Variants in KDM4B observed in about 807,000 individuals in gnomAD.
KDM4B encodes lysine-specific demethylase 4B.
A neutral mutation model predicts 125.2 loss-of-function variants in KDM4B; 32 were observed. The ratio of observed to expected loss-of-function variants is 0.26; its 90% CI spans 0.19 to 0.34. The LOEUF (loss-of-function observed/expected upper bound fraction) is 0.34. Among genes scored for constraint, KDM4B ranks in the 10% least tolerant of loss-of-function variants. KDM4B has a pLI of 1.00. For missense variants in KDM4B, 1,190 were observed against 1,577.7 expected (o/e 0.75, Z 4.16); for synonymous variants, 721 against 677.9 (o/e 1.06, Z -0.99).
At chr19:5,104,951 A>G (rs1016929641) in intron 9 of KDM4B, among the ~76,000 whole-genome samples, 8 of 152,206 alleles carry the variant, frequency 5.3e-5, no homozygotes, top group Non-Finnish European at 1.2e-4. Context: ...CGGAATGTGC[A>G]AAGTCCATGG....
At chr19:4,976,908 A>G (rs1257067230) in intron 1 of KDM4B, among the ~76,000 whole-genome samples, 1 of 152,260 alleles carries the variant, frequency 6.6e-6, no homozygotes, top group Admixed American at 6.5e-5. Context: ...CTGACTTGTC[A>G]AGAAATCGTA....
At chr19:5,120,895 C>G (rs566144808) in intron 11 of KDM4B, among the ~76,000 whole-genome samples, 4 of 152,184 alleles carry the variant, frequency 2.6e-5, no homozygotes, top group African/African-American at 9.7e-5. Flanking sequence ...GGGCCACATT[C>G]GCCGGAGGGT....
At position 5,069,631 on chromosome 19, in the gene KDM4B, T is replaced by C. The variant is rs575575640; in HGVS notation, c.627-1379T>C. On this transcript the variant is annotated intron_variant, in intron 6 of 22. Coordinates refer to ENST00000159111, the MANE Select transcript of KDM4B (RefSeq NM_015015.3). ...TGTTTGTTTGTTTGTTTGTTTGTTTTGAGACAGAGTCTCACTCTCTCGCCC... is the reference window on the plus strand; with the variant it reads ...TGTTTGTTTGTTTGTTTGTTTGTTTCGAGACAGAGTCTCACTCTCTCGCCC... 2.0e-5 allele frequency among the ~76,000 whole-genome samples: 3 copies of C among 151,700 alleles called. No individual in the cohort carries two copies. In the East Asian group the frequency reaches 5.8e-4, roughly 29 times the overall value.
intron 9 of KDM4B, among the ~76,000 whole-genome samples, chr19:5,097,796 G>T (rs1281219675): frequency 6.6e-6 from 1 of 152,240 alleles, no homozygotes; most frequent in Non-Finnish European, 1.5e-5. Flanking sequence ...GAAAGTCTAT[G>T]AGTTCTGTCT....
chr19:5,083,057 C>T lies in KDM4B; in HGVS notation c.918+553C>T, dbSNP rs144395550. 5.9e-5 allele frequency among the ~76,000 whole-genome samples: 9 copies of T among 152,318 alleles called. No individual in the cohort carries two copies. The East Asian group carries it at 1.2e-3, about 20-fold the overall frequency. On this transcript the variant is annotated intron_variant, in intron 9 of 22. Coordinates refer to ENST00000159111, the MANE Select transcript of KDM4B (RefSeq NM_015015.3). ...CTGCTGGTGGGGTCCCTGGAGGTCA[C>T]GGTGAGCTTAGCATGCCCGTGGGAA...
Position 5,047,476 on chromosome 19 carries a change from G to A in KDM4B, c.433G>A (p.Asp145Asn). 2 of 1,605,050 alleles carry A rather than the reference G, an allele frequency of 1.2e-6. No individual in the cohort carries two copies. Among genetic ancestry groups the A allele is most frequent in the Non-Finnish European group, 1.7e-6 (2 of 1,174,462 alleles). Residue 145 changes from aspartate (D) to asparagine (N), a missense_variant and splice_region_variant, in exon 6 of 23, where the codon GAC (aspartate) becomes AAC (asparagine). This residue lies in a region of KDM4B where 139 missense variants were observed against 248.3 expected (regional missense o/e 0.56). Transcript: ENST00000159111. ...ADISGSLYDD[D>N]VAQWNIGSLR... ...CCGACGCTGCTCTGCCGCCCCACAG[G>A]ACGTGGCCCAGTGGAACATCGGGAG...
chr19:5,085,652 G>C (rs1486694877), intron 9 of KDM4B, among the ~76,000 whole-genome samples: 1 of 152,248 alleles, frequency 6.6e-6, no homozygotes. Context: ...CCCAGGGCCT[G>C]GGCTTCCTCC....
At position 5,117,231 on chromosome 19, in the gene KDM4B, A is replaced by G. The variant is rs181304033; in HGVS notation, c.1116-2422A>G. On this transcript the variant is annotated intron_variant, in intron 10 of 22. Coordinates refer to ENST00000159111, the MANE Select transcript of KDM4B (RefSeq NM_015015.3). ...TTCTGGGGCCCTCTGGGGCAGACAC[A>G]GTAAGGCTTGAAGGCCGTGGGGGTG... 9.9e-4 allele frequency among the ~76,000 whole-genome samples: 148 copies of G among 149,350 alleles called. 1 individual carries two copies. In the East Asian group the frequency reaches 0.024, roughly 24 times the overall value.
intron 14 of KDM4B, among the ~76,000 whole-genome samples, chr19:5,134,682 C>A (rs937353365): frequency 2.0e-5 from 3 of 152,214 alleles, no homozygotes; most frequent in African/African-American, 7.2e-5. Flanking sequence ...CAGCTCCTAG[C>A]CCCATGCCAA....
Position 5,144,043 on chromosome 19 carries a change from C to A in KDM4B, c.2627C>A (p.Thr876Lys). Residue 876 changes from threonine to lysine, a missense_variant, in exon 19 of 23, where the codon ACG (threonine) becomes AAG (lysine). Thr to Lys is a moderately conservative substitution (Grantham distance 78). Around this residue, in one of 7 missense-constraint regions of KDM4B, gnomAD observed 298 missense variants for 439.7 expected, o/e 0.68. Coordinates refer to ENST00000159111, the MANE Select transcript of KDM4B (RefSeq NM_015015.3). Reference sequence around the variant, plus strand: ...CAGTGCTCCTACGAGCACTGCTCCACGTCCTTCCACGTGACCTGCGCCCAC... The same window carrying A: ...CAGTGCTCCTACGAGCACTGCTCCAAGTCCTTCCACGTGACCTGCGCCCAC... Reference protein sequence around the residue: ...CIQCSYEHCSTSFHVTCAHAA... With the variant: ...CIQCSYEHCSKSFHVTCAHAA... 6.2e-7 allele frequency: 1 copy of A among 1,605,620 alleles called. No individual in the cohort carries two copies. The highest frequency in any genetic ancestry group is 8.5e-7 in the Non-Finnish European group (1 of 1,173,704).
intron 15 of KDM4B, among the ~76,000 whole-genome samples, chr19:5,136,741 C>A (rs890259998): frequency 6.6e-6 from 1 of 152,194 alleles, no homozygotes. Flanking sequence ...CCCTTCCACA[C>A]TGGGGGCAGT....
chr19:5,077,505 A>G, intron 8 of KDM4B, 35 bp downstream of exon 8: 3 of 1,577,892 alleles, frequency 1.9e-6, no homozygotes, highest in East Asian at 4.5e-5. Context: ...CCTGTGGGTG[A>G]AGTGGGTACC....
chr19:5,041,370 C>T (rs1322498749), intron 5 of KDM4B, 119 bp downstream of exon 5: 2 of 679,414 alleles, frequency 2.9e-6, no homozygotes, highest in Admixed American at 2.5e-5. Flanking sequence ...GGTTAACCCC[C>T]TCGCCCAGGC....
In KDM4B at chr19:5,119,821, G is replaced by T; in HGVS notation, c.1284G>T (p.Leu428=). The stretch of plus-strand genomic sequence containing the variant: ...AGGAGGAGGAGGAGCCGCAGCCACT[G>T]CCACACGGCCGGGAGGCCGAGGGCG... ...PEEEEEEPQP[L]PHGREAEGAE... is the part of the protein sequence containing the mutation. Residue 428 remains leucine, a synonymous_variant, in exon 11 of 23, where the codon CTG becomes CTT. Coordinates refer to ENST00000159111, the MANE Select transcript of KDM4B (RefSeq NM_015015.3). 6.5e-7 allele frequency: 1 copy of T among 1,544,544 alleles called. No individual in the cohort carries two copies. The highest frequency in any genetic ancestry group is 8.7e-7 in the Non-Finnish European group (1 of 1,144,956).
chr19:5,017,693 G>A (rs1003601614), intron 2 of KDM4B, among the ~76,000 whole-genome samples: 18 of 152,122 alleles, frequency 1.2e-4, no homozygotes, highest in African/African-American at 4.3e-4. Context: ...AACACAGCAT[G>A]AACCAAGTAA....
chr19:5,030,498 T>C (rs962488592), intron 2 of KDM4B, among the ~76,000 whole-genome samples: 1 of 152,308 alleles, frequency 6.6e-6, no homozygotes, highest in Non-Finnish European at 1.5e-5. Flanking sequence ...TGACTCTTAC[T>C]TGAGGGCTTC....
chr19:5,090,405 T>TCTCCCCCCC (rs2038658680), intron 9 of KDM4B, among the ~76,000 whole-genome samples: 1 of 22,476 alleles, frequency 4.4e-5, no homozygotes, highest in African/African-American at 2.9e-4. Context: ...TCTCTCTCTC[T>TCTCCCCCCC]CTCCCCCTCT....
In KDM4B at chr19:5,151,541, C is replaced by T; in HGVS notation, c.*30C>T. 7.6e-7 allele frequency: 1 copy of T among 1,319,092 alleles called. No homozygotes were observed. The highest frequency in any genetic ancestry group is 9.7e-7 in the Non-Finnish European group (1 of 1,029,690). The allele number at this position is 1,319,092 out of a possible 1,614,324, so 81.7% of individuals were successfully genotyped here. A position where few individuals can be genotyped will look rare whatever the true frequency, so the allele number is the denominator to read the frequency against. On this transcript the variant is annotated 3_prime_UTR_variant, in exon 23 of 23. Coordinates refer to ENST00000159111, the MANE Select transcript of KDM4B (RefSeq NM_015015.3). ...GCTGGCCGCTCAGGCGACCCTCAGC[C>T]CGGCGGGGAGGCCATGGCATGCCCC...
At chr19:5,089,595 G>C (rs889415601) in intron 9 of KDM4B, among the ~76,000 whole-genome samples, 6 of 152,092 alleles carry the variant, frequency 3.9e-5, no homozygotes, top group East Asian at 1.9e-4. Flanking sequence ...ACTGGGAAAG[G>C]GAGATTTGCC....
Sources: allele counts gnomAD v4.1 joint callset (sites outside exome capture counted in the v4.1 genomes callset), GRCh38; gene constraint gnomAD v4.1.1; regional missense constraint gnomAD v4.1.1; transcripts MANE v1.5; gene names NCBI Gene and HGNC (gene_info 2026-07-23, HGNC 2026-07-21).